The following RPS6KA5 variants were observed in gnomAD, a reference collection of about 807,000 sequenced individuals.
RPS6KA5 encodes ribosomal protein S6 kinase alpha-5.
RPS6KA5 carries 27 observed loss-of-function variants against 85.5 expected under a neutral mutation model. The ratio of observed to expected loss-of-function variants is 0.32; its 90% CI spans 0.23 to 0.44. The LOEUF (loss-of-function observed/expected upper bound fraction) is 0.44. Among genes scored for constraint, RPS6KA5 ranks in the 20% least tolerant of loss-of-function variants. The pLI is 1.00. For synonymous variants in RPS6KA5, 334 were observed against 348.2 expected, an observed-to-expected ratio of 0.96 and a Z score of 0.46; for missense variants, 811 against 980.9, an observed-to-expected ratio of 0.83 and a Z score of 2.31.
chr14:90,953,195 T>C (rs946618072), intron 3 of RPS6KA5, among the ~76,000 whole-genome samples: 1 of 152,248 alleles, frequency 6.6e-6, no homozygotes, highest in Admixed American at 6.5e-5. Flanking sequence ...TATGGACATA[T>C]ATCAGTTCCC....
In RPS6KA5 at chr14:90,900,691, C is replaced by A; in HGVS notation, c.1165G>T (p.Ala389Ser). Residue 389 changes from alanine to serine, a missense_variant, in exon 10 of 17, where the codon GCT (alanine) becomes TCT (serine). Ala to Ser is a moderately conservative substitution (Grantham distance 99). This residue lies in a region of RPS6KA5 where 650 missense variants were observed against 793.4 expected (regional missense o/e 0.82). Transcript: ENST00000614987. ...TGAAACTGAAGAGGGTCTATGACAGCTGCATTACGCTTGAATAGGATGGAA... is the reference window on the plus strand; with the variant it reads ...TGAAACTGAAGAGGGTCTATGACAGATGCATTACGCTTGAATAGGATGGAA... The part of the protein sequence containing the change: ...APSILFKRNA[A>S]VIDPLQFHMG... 1.2e-6 allele frequency: 2 copies of A among 1,613,686 alleles called. No individual in the cohort carries two copies. Among genetic ancestry groups the A allele is most frequent in the Non-Finnish European group, 1.7e-6 (2 of 1,179,710 alleles).
At chr14:91,034,057 A>T (rs1292387607) in intron 1 of RPS6KA5, among the ~76,000 whole-genome samples, 1 of 152,136 alleles carries the variant, frequency 6.6e-6, no homozygotes, top group Non-Finnish European at 1.5e-5. Context: ...TGTATTCTCA[A>T]CACTTTTGAG....
chr14:91,052,366 G>T, intron 1 of RPS6KA5: 1 of 402,734 alleles, frequency 2.5e-6, no homozygotes, highest in South Asian at 1.8e-5. Flanking sequence ...CACTTGGGAG[G>T]CTGAGGCAGG....
intron 1 of RPS6KA5, among the ~76,000 whole-genome samples, chr14:91,050,728 C>T (rs573119768): frequency 1.1e-4 from 16 of 152,000 alleles, no homozygotes; most frequent in African/African-American, 3.9e-4. Context: ...CGCGCCCAGC[C>T]GGCTTGCTTT....
chr14:90,992,512 A>C (rs1457919036), intron 2 of RPS6KA5, among the ~76,000 whole-genome samples: 1 of 152,386 alleles, frequency 6.6e-6, no homozygotes, highest in African/African-American at 2.4e-5. Flanking sequence ...AATACACACA[A>C]GGTTTGACTA....
At chr14:91,020,325 TAAGA>T (rs2139787077) in intron 1 of RPS6KA5, among the ~76,000 whole-genome samples, 1 of 152,152 alleles carries the variant, frequency 6.6e-6, no homozygotes, top group South Asian at 2.1e-4. Context: ...GATACAACAA[TAAGA>T]AATAATACAG....
intron 1 of RPS6KA5, among the ~76,000 whole-genome samples, chr14:91,016,056 C>A (rs367751727): frequency 1.3e-5 from 2 of 152,308 alleles, no homozygotes; most frequent in African/African-American, 4.8e-5. Flanking sequence ...GAGCAGTGTG[C>A]AGCCCTGGTG....
intron 1 of RPS6KA5, among the ~76,000 whole-genome samples, chr14:91,034,031 C>A (rs75631162): frequency 6.6e-6 from 1 of 152,000 alleles, no homozygotes; most frequent in Non-Finnish European, 1.5e-5. Flanking sequence ...TTAGGCCAGG[C>A]GCAGTGGTTC....
At chr14:91,048,508 G>T (rs980938155) in intron 1 of RPS6KA5, among the ~76,000 whole-genome samples, 1 of 149,482 alleles carries the variant, frequency 6.7e-6, no homozygotes, top group African/African-American at 2.6e-5. Context: ...TTTTAAAAAA[G>T]AAAGAAAGAA....
chr14:91,025,417 G>A (rs888760293), intron 1 of RPS6KA5, among the ~76,000 whole-genome samples: 1 of 152,114 alleles, frequency 6.6e-6, no homozygotes, highest in African/African-American at 2.4e-5. Flanking sequence ...CTGCAGAAGA[G>A]CCCTATGAAA....
rs890952050 is a variant in RPS6KA5, at chr14:90,855,199, T to C, written c.*16875A>G. On this transcript the variant is annotated 3_prime_UTR_variant, in exon 17 of 17. Transcript: ENST00000614987. ...ATGGGGCTAAGGGAGACATAGCTTC[T>C]GACTACTTAGTAAAATGGCAAAATC... is the stretch of plus-strand genomic sequence containing the variant. The C allele has an allele frequency of 3.3e-5, 5 of 152,234 alleles. No individual in the cohort carries two copies. The highest frequency in any genetic ancestry group is 1.2e-4 in the African/African-American group (5 of 41,464). 9.4% of individuals were successfully genotyped at this position (152,234 alleles called of 1,614,324 possible).
At chr14:90,980,522 T>C (rs1200680185) in intron 2 of RPS6KA5, among the ~76,000 whole-genome samples, 1 of 152,222 alleles carries the variant, frequency 6.6e-6, no homozygotes, top group Non-Finnish European at 1.5e-5. Flanking sequence ...AACATCTGAG[T>C]ACTTGTCAGG....
At chr14:91,041,300 T>TC (rs1323418094) in intron 1 of RPS6KA5, among the ~76,000 whole-genome samples, 1 of 152,222 alleles carries the variant, frequency 6.6e-6, no homozygotes, top group Non-Finnish European at 1.5e-5. Flanking sequence ...CAACTTTTTT[T>TC]CATTTCCCTT....
At chr14:90,874,021 T>G (rs1260805229) in intron 15 of RPS6KA5, among the ~76,000 whole-genome samples, 1 of 152,174 alleles carries the variant, frequency 6.6e-6, no homozygotes, top group African/African-American at 2.4e-5. Context: ...CCAGGCGAAG[T>G]GGCTTTTCAA....
At chr14:90,938,465 C>T (rs1171199679) in intron 5 of RPS6KA5, among the ~76,000 whole-genome samples, 3 of 152,240 alleles carry the variant, frequency 2.0e-5, no homozygotes, top group Non-Finnish European at 4.4e-5. Context: ...CCAGTAGGAA[C>T]TCTGTGTAGG....
At chr14:90,888,255 T>C (rs2034348930) in intron 14 of RPS6KA5, among the ~76,000 whole-genome samples, 1 of 152,184 alleles carries the variant, frequency 6.6e-6, no homozygotes, top group African/African-American at 2.4e-5. Flanking sequence ...GTTATTTCTA[T>C]AGTTAAGGAA....
At chr14:90,947,920 C>G (rs1166904231) in intron 3 of RPS6KA5, among the ~76,000 whole-genome samples, 1 of 152,186 alleles carries the variant, frequency 6.6e-6, no homozygotes, top group Non-Finnish European at 1.5e-5. Flanking sequence ...ATAACCAAAA[C>G]CAAAACAAAA....
At chr14:91,002,525 GCTTTGGGACTACAA>G (rs1308100623) in intron 1 of RPS6KA5, among the ~76,000 whole-genome samples, 1 of 152,034 alleles carries the variant, frequency 6.6e-6, no homozygotes, top group Non-Finnish European at 1.5e-5. Flanking sequence ...ATAAATTAAT[GCTTTGGGACTACAA>G]CTTTAAGAAA....
chr14:90,931,721 AAATC>A (rs2036988599), intron 5 of RPS6KA5, among the ~76,000 whole-genome samples: 1 of 152,208 alleles, frequency 6.6e-6, no homozygotes, highest in Non-Finnish European at 1.5e-5. Flanking sequence ...GAACTCCAAC[AAATC>A]AATAACATCA....
Sources: gnomAD v4.1 joint callset for allele counts (sites outside exome capture counted in the v4.1 genomes callset) on GRCh38, gnomAD v4.1.1 for gene constraint, gnomAD v4.1.1 regional missense constraint, MANE v1.5 for transcripts, NCBI Gene and HGNC (gene_info 2026-07-23, HGNC 2026-07-21) for gene names.